The following NBR1 variants were observed in gnomAD, a reference collection of about 807,000 sequenced individuals.
NBR1 encodes next to BRCA1 gene 1 protein.
A neutral mutation model predicts 115.5 loss-of-function variants in NBR1; 59 were observed. That is an observed-to-expected ratio of 0.51 (90% CI 0.41 to 0.63). The LOEUF is 0.63. Ranked by LOEUF, NBR1 falls within the 30% of genes least tolerant of loss-of-function variation. NBR1 has a pLI of 0.00. For synonymous variants in NBR1, 373 were observed against 414.7 expected (o/e 0.90, Z 1.22); for missense variants, 1,043 against 1,150.5 (o/e 0.91, Z 1.35).
chr17:43,193,856 T>C (rs545690692), intron 12 of NBR1, among the ~76,000 whole-genome samples: 2 of 152,222 alleles, frequency 1.3e-5, no homozygotes, highest in Admixed American at 1.3e-4. Context: ...CTGAATACTT[T>C]TGTACCTCTT....
At chr17:43,174,333 A>G (rs1319902359) in intron 1 of NBR1, among the ~76,000 whole-genome samples, 4 of 152,226 alleles carry the variant, frequency 2.6e-5, no homozygotes, top group Non-Finnish European at 4.4e-5. Context: ...ATGGTGGCTC[A>G]CGCCTGTAAT....
chr17:43,193,824 G>A (rs1021561602), intron 12 of NBR1, among the ~76,000 whole-genome samples, 186 bp downstream of exon 12: 1 of 152,100 alleles, frequency 6.6e-6, no homozygotes, highest in Non-Finnish European at 1.5e-5. Context: ...TTGTTTTAGC[G>A]TCTTTAGGGT....
chr17:43,189,513 G>A, intron 7 of NBR1, 75 bp from the exon 8 acceptor site: 1 of 1,017,648 alleles, frequency 9.8e-7, no homozygotes, highest in Admixed American at 1.9e-5. Context: ...TTAGGTTTCA[G>A]ATCTATTGAT....
In NBR1 at chr17:43,194,509, T is replaced by G. The variant is rs751369879; in HGVS notation, c.1674+10T>G. On this transcript the variant is annotated intron_variant, in intron 13 of 20. Transcript: ENST00000590996. ...TCTTCTGACTGCCCAGGTGGAAGAT[T>G]CAGCACTTTGAAGGGCAAGGGACAG... 2 of 1,613,618 alleles carry G rather than the reference T, an allele frequency of 1.2e-6. No homozygotes were observed. The highest frequency in any genetic ancestry group is 1.1e-5 in the South Asian group (1 of 91,068).
intron 20 of NBR1, among the ~76,000 whole-genome samples, chr17:43,208,540 A>C (rs2057358612): frequency 6.6e-6 from 1 of 152,332 alleles, no homozygotes; most frequent in South Asian, 2.1e-4. Context: ...TCTTCAGTTC[A>C]TAAAGGAATT....
At chr17:43,201,146 G>C (rs1204990906) in intron 17 of NBR1, among the ~76,000 whole-genome samples, 1 of 152,168 alleles carries the variant, frequency 6.6e-6, no homozygotes, top group Admixed American at 6.5e-5. Context: ...TGGAATTACA[G>C]GTGTGAGCCA....
chr17:43,172,261 G>T (rs1451858318), intron 1 of NBR1, among the ~76,000 whole-genome samples: 2 of 152,154 alleles, frequency 1.3e-5, no homozygotes, highest in East Asian at 3.8e-4. Flanking sequence ...CCTGCTGAAA[G>T]AATTTTTTTA....
At chr17:43,208,836 G>A (rs186652851) in intron 20 of NBR1, among the ~76,000 whole-genome samples, 102 of 152,174 alleles carry the variant, frequency 6.7e-4, no homozygotes, top group Middle Eastern at 3.4e-3. Flanking sequence ...GCGTGGTAGC[G>A]CAGACCAGTG....
chr17:43,182,795 G>A (rs867923578), intron 5 of NBR1, among the ~76,000 whole-genome samples: 17 of 150,338 alleles, frequency 1.1e-4, no homozygotes, highest in Non-Finnish European at 1.9e-4. Flanking sequence ...ACGGAGTCTC[G>A]CCCTGTTGCT....
chr17:43,209,862 ATTT>A (rs11322550), intron 20 of NBR1, 36 bp from the exon 21 acceptor site: 7,961 of 1,351,776 alleles, frequency 5.9e-3, no homozygotes, highest in South Asian at 0.021. Flanking sequence ...ATTATACAGA[ATTT>A]TTTTTTTTTT....
chr17:43,191,285 G>A (rs940980190), intron 9 of NBR1, 87 bp from the exon 10 acceptor site: 3 of 909,234 alleles, frequency 3.3e-6, no homozygotes, highest in Non-Finnish European at 5.1e-6. Context: ...ACTGGAAGCT[G>A]ACACTGATGG....
At chr17:43,193,783 A>G (rs1043165196) in intron 12 of NBR1, 145 bp downstream of exon 12, 7 of 864,942 alleles carry the variant, frequency 8.1e-6, no homozygotes, top group South Asian at 1.8e-5. Flanking sequence ...ACACATCTCT[A>G]TGCTGATATT....
rs892808001 is a variant in NBR1 at position 43,200,370 on chromosome 17, C to T, written c.2230C>T (p.Arg744Cys). ...CCTGCCTGAGTGCTTTGATACCAGCCGCCCCCTGGGGGATTCTATGTACAG... is the reference window on the plus strand; with the variant it reads ...CCTGCCTGAGTGCTTTGATACCAGCTGCCCCCTGGGGGATTCTATGTACAG... ...IILPECFDTS[R>C]PLGDSMYSSA... is the part of the protein sequence containing the mutation. Residue 744 changes from arginine to cysteine, a missense_variant, in exon 17 of 21, where the codon CGC becomes TGC. Arg to Cys is a radical substitution (Grantham distance 180). Coordinates refer to ENST00000590996, the MANE Select transcript of NBR1 (RefSeq NM_005899.5). The T allele has an allele frequency of 6.4e-6, 10 of 1,567,914 alleles. No individual in the cohort carries two copies. Among genetic ancestry groups the T allele is most frequent in the African/African-American group, 2.7e-5 (2 of 73,848 alleles).
At chr17:43,197,755 G>C (rs1299540593) in intron 16 of NBR1, among the ~76,000 whole-genome samples, 1 of 152,128 alleles carries the variant, frequency 6.6e-6, no homozygotes, top group Non-Finnish European at 1.5e-5. Context: ...GACCCCTATG[G>C]GTAGCTGAGT....
intron 4 of NBR1, among the ~76,000 whole-genome samples, chr17:43,179,621 G>A (rs1480403941): frequency 1.3e-5 from 2 of 152,118 alleles, no homozygotes; most frequent in Admixed American, 6.6e-5. Context: ...CAGCTTTAAT[G>A]GGAGGTTCTC....
intron 20 of NBR1, among the ~76,000 whole-genome samples, chr17:43,206,582 G>A (rs1362835127): frequency 6.6e-6 from 1 of 151,952 alleles, no homozygotes; most frequent in African/African-American, 2.4e-5. Context: ...TTGAACCTGG[G>A]AAGCAGAGGT....
intron 20 of NBR1, among the ~76,000 whole-genome samples, chr17:43,208,166 T>A (rs961861563): frequency 1.3e-5 from 2 of 152,178 alleles, no homozygotes; most frequent in Admixed American, 1.3e-4. Context: ...AGTAGAAGTA[T>A]GCCACACTTT....
At chr17:43,173,636 C>T (rs1403435235) in intron 1 of NBR1, among the ~76,000 whole-genome samples, 1 of 152,086 alleles carries the variant, frequency 6.6e-6, no homozygotes, top group Admixed American at 6.6e-5. Context: ...AACTTGCGTA[C>T]ACATTTTTAA....
At chr17:43,209,722 C>T in intron 20 of NBR1, 179 bp from the exon 21 acceptor site, 1 of 1,528,762 alleles carries the variant, frequency 6.5e-7, no homozygotes, top group Admixed American at 2.0e-5. Flanking sequence ...AGGGCCTTCC[C>T]AGTCCGAACC....
Sources: allele counts gnomAD v4.1 joint callset (sites outside exome capture counted in the v4.1 genomes callset), GRCh38; gene constraint gnomAD v4.1.1; transcripts MANE v1.5; gene names NCBI Gene and HGNC (gene_info 2026-07-23, HGNC 2026-07-21).